The following NEBL variants were observed in gnomAD, a reference collection of about 807,000 sequenced individuals.
The protein encoded by NEBL is LIM and SH3 protein 2.
NEBL carries 122 observed loss-of-function variants against 140.2 expected under a neutral mutation model. The ratio of observed to expected loss-of-function variants is 0.87; its 90% CI spans 0.75 to 1.01. The LOEUF is 1.01. Among genes scored for constraint, NEBL ranks in the 50% least tolerant of loss-of-function variants. NEBL has a pLI of 0.00. For missense variants in NEBL, 1,365 were observed against 1,231.3 expected (o/e 1.11, Z -1.62); for synonymous variants, 436 against 398.9 (o/e 1.09, Z -1.11).
intron 11 of NEBL, among the ~76,000 whole-genome samples, chr10:20,846,563 C>A (rs1463115746): frequency 6.6e-6 from 1 of 152,040 alleles, no homozygotes; most frequent in Non-Finnish European, 1.5e-5. Context: ...TTGAGAACAT[C>A]CTGAACTAAA....
chr10:21,150,803 A>G (rs917553803), intron 2 of NEBL, among the ~76,000 whole-genome samples: 1 of 152,190 alleles, frequency 6.6e-6, no homozygotes, highest in African/African-American at 2.4e-5. Flanking sequence ...CTTTCTTCAG[A>G]TGTTTTCCTA....
At chr10:20,968,145 T>C (rs1564465686) in intron 3 of NEBL, among the ~76,000 whole-genome samples, 1 of 152,098 alleles carries the variant, frequency 6.6e-6, no homozygotes, top group Non-Finnish European at 1.5e-5. Flanking sequence ...AAACACAGAC[T>C]TGAAGCAAGA....
At position 20,780,634 on chromosome 10, in the gene NEBL, C is replaced by A. The variant is rs1834970064; in HGVS notation, c.*5113G>T. The A allele has an allele frequency of 6.6e-6, 1 of 152,152 alleles. No homozygotes were observed. Among genetic ancestry groups the A allele is most frequent in the Non-Finnish European group, 1.5e-5 (1 of 68,020 alleles). The allele number at this position is 152,152 out of a possible 1,614,324, so 9.4% of individuals were successfully genotyped here. On this transcript the variant is annotated 3_prime_UTR_variant, in exon 28 of 28. Transcript: ENST00000377122. ...CCACGGTGAGAGCCAAGAAGTGAAC[C>A]ATTTTTTTTATATCCTGCATTTATT...
chr10:21,108,015 T>C (rs1011957415), intron 2 of NEBL, among the ~76,000 whole-genome samples: 6 of 152,192 alleles, frequency 3.9e-5, no homozygotes, highest in African/African-American at 1.4e-4. Context: ...GGTGGTGATA[T>C]CCCCTTTATC....
chr10:20,976,920 A>AC (rs1554815043), intron 3 of NEBL, among the ~76,000 whole-genome samples: 1 of 147,614 alleles, frequency 6.8e-6, no homozygotes, highest in African/African-American at 2.6e-5. Flanking sequence ...CTGAATCTAC[A>AC]TTAAAAAAAA....
chr10:21,080,138 A>G (rs942519799), intron 2 of NEBL, among the ~76,000 whole-genome samples: 3 of 152,254 alleles, frequency 2.0e-5, no homozygotes, highest in Non-Finnish European at 4.4e-5. Flanking sequence ...TAATAAGCAC[A>G]TAATTTATAA....
intron 4 of NEBL, among the ~76,000 whole-genome samples, chr10:20,913,801 G>A (rs1370763832): frequency 6.6e-6 from 1 of 152,118 alleles, no homozygotes; most frequent in African/African-American, 2.4e-5. Context: ...TGATCTTATA[G>A]TATTTGTTTA....
intron 2 of NEBL, among the ~76,000 whole-genome samples, chr10:21,038,424 A>C (rs1369491055): frequency 6.6e-6 from 1 of 152,036 alleles, no homozygotes; most frequent in Non-Finnish European, 1.5e-5. Context: ...ATGTGTTCTC[A>C]TTGTTCAACT....
intron 2 of NEBL, among the ~76,000 whole-genome samples, chr10:21,032,267 G>A (rs1247858024): frequency 6.6e-6 from 1 of 152,050 alleles, no homozygotes; most frequent in East Asian, 1.9e-4. Context: ...TACATATTGG[G>A]GTCAATCTGG....
chr10:21,062,426 G>A lies in NEBL; in HGVS notation c.165-42225C>T, dbSNP rs933524304. The stretch of plus-strand genomic sequence containing the variant: ...CTGTAATCCCAGCACTTTGGGAGGC[G>A]GAGGTGGGAGAATTACTTGAGCCCA... On this transcript the variant is annotated intron_variant, in intron 2 of 6. Transcript: ENST00000417816. Among the ~76,000 whole-genome samples the A allele has an allele frequency of 8.6e-5, 13 of 152,042 alleles. No individual in the cohort carries two copies. The South Asian group carries it at 1.5e-3, about 17-fold the overall frequency.
chr10:21,179,322 T>C (rs76668481), upstream of NEBL, among the ~76,000 whole-genome samples: 209 of 152,306 alleles, frequency 1.4e-3, 3 homozygotes, highest in East Asian at 0.036. Flanking sequence ...TTGGACATTA[T>C]GAGACATCAG....
In NEBL at chr10:21,188,926, A is replaced by G. The variant is rs150128825; in HGVS notation, n.349-16449T>C. Among the ~76,000 whole-genome samples, 728 of 152,280 alleles carry G rather than the reference A, an allele frequency of 4.8e-3. 6 individuals are homozygous for G. Among genetic ancestry groups the G allele is most frequent in the African/African-American group, 0.017 (713 of 41,540 alleles). On this transcript the variant is annotated intron_variant and non_coding_transcript_variant, in intron 3 of 8. Coordinates refer to the NEBL transcript ENST00000675702. Reference sequence around the variant, plus strand: ...ATTATCCACATAAATGAAGAAATAGAGTGGATGAAAATTACTATTGTTTTA... The same window carrying G: ...ATTATCCACATAAATGAAGAAATAGGGTGGATGAAAATTACTATTGTTTTA...
intron 1 of NEBL, among the ~76,000 whole-genome samples, chr10:21,259,229 A>T (rs1842705293): frequency 6.6e-6 from 1 of 152,136 alleles, no homozygotes; most frequent in Admixed American, 6.6e-5. Flanking sequence ...CTGGGATTAC[A>T]GGAGTGTGCC....
chr10:20,949,171 C>A (rs534093321), intron 4 of NEBL, among the ~76,000 whole-genome samples: 2 of 152,274 alleles, frequency 1.3e-5, no homozygotes, highest in African/African-American at 4.8e-5. Flanking sequence ...GCCAGAACTT[C>A]CATTCTCAGC....
chr10:21,255,099 C>T (rs183798823), intron 1 of NEBL, among the ~76,000 whole-genome samples: 107 of 152,076 alleles, frequency 7.0e-4, no homozygotes, highest in African/African-American at 2.5e-3. Flanking sequence ...AACAAAGCTG[C>T]TTGAGTCTGA....
intron 3 of NEBL, among the ~76,000 whole-genome samples, chr10:21,196,333 A>C (rs961174599): frequency 4.1e-5 from 6 of 146,500 alleles, no homozygotes; most frequent in African/African-American, 1.5e-4. Flanking sequence ...TTATTTATTT[A>C]TTTATTTATT....
intron 2 of NEBL, among the ~76,000 whole-genome samples, chr10:21,144,976 C>T (rs1377668908): frequency 6.7e-6 from 1 of 149,460 alleles, no homozygotes; most frequent in Non-Finnish European, 1.5e-5. Context: ...AAAAAGATAT[C>T]TCTCCAAGCA....
intron 4 of NEBL, among the ~76,000 whole-genome samples, chr10:20,936,649 G>C (rs1462948710): frequency 2.0e-5 from 3 of 152,198 alleles, no homozygotes; most frequent in African/African-American, 7.2e-5. Context: ...AAGGCCAGCT[G>C]CCTCTTTCTT....
chr10:21,061,317 A>T (rs1435738145), intron 2 of NEBL, among the ~76,000 whole-genome samples: 16 of 140,724 alleles, frequency 1.1e-4, no homozygotes, highest in Admixed American at 9.8e-4. Flanking sequence ...GTGATATGTA[A>T]TATATTACAT....
Sources: allele counts gnomAD v4.1 joint callset (sites outside exome capture counted in the v4.1 genomes callset), GRCh38; gene constraint gnomAD v4.1.1; transcripts MANE v1.5; gene names NCBI Gene and HGNC (gene_info 2026-07-23, HGNC 2026-07-21).